The following MYO1H variants were observed in gnomAD, a reference collection of about 807,000 sequenced individuals.
MYO1H encodes the protein unconventional myosin-Ih.
A neutral mutation model predicts 149.3 loss-of-function variants in MYO1H; 118 were observed. That is an observed-to-expected ratio of 0.79 (90% CI 0.68 to 0.92). The LOEUF is 0.92. Among genes scored for constraint, MYO1H ranks in the 40% least tolerant of loss-of-function variants. The probability of loss-of-function intolerance (pLI) is 0.00; values close to 1 mark genes in which losing one functional copy is unlikely to be tolerated. For missense variants in MYO1H, 1,212 were observed against 1,280.7 expected, an observed-to-expected ratio of 0.95 and a Z score of 0.82; for synonymous variants, 447 against 465.2, an observed-to-expected ratio of 0.96 and a Z score of 0.50.
At chr12:109,326,671 C>T in the MYO1H span, among the ~76,000 whole-genome samples, 2 of 151,896 alleles carry the variant, frequency 1.3e-5, no homozygotes, top group South Asian at 4.2e-4. Context: ...ACAGGCATGT[C>T]ACCATCCCCG....
At chr12:109,432,708 TTCTC>T (rs1871684647) in intron 19 of MYO1H, among the ~76,000 whole-genome samples, 185 bp from the exon 20 acceptor site, 1 of 152,196 alleles carries the variant, frequency 6.6e-6, no homozygotes, top group Non-Finnish European at 1.5e-5. Context: ...TTGAAACAGT[TTCTC>T]TCTCCTTTCT....
chr12:109,428,791 C>T (rs982057135), intron 19 of MYO1H, among the ~76,000 whole-genome samples: 3 of 125,792 alleles, frequency 2.4e-5, no homozygotes, highest in Admixed American at 8.4e-5. Context: ...ACAGCCACTG[C>T]CCACCTCACC....
chr12:109,434,268 C>G (rs140056763), intron 20 of MYO1H, among the ~76,000 whole-genome samples: 60 of 152,262 alleles, frequency 3.9e-4, no homozygotes, highest in Non-Finnish European at 1.5e-5. Flanking sequence ...CCTCGGCCTC[C>G]CAAAGTGCTG....
chr12:109,348,107 T>G (rs1868375648), intron 1 of MYO1H, 135 bp downstream of exon 1: 1 of 397,948 alleles, frequency 2.5e-6, no homozygotes, highest in Admixed American at 4.4e-5. Flanking sequence ...GATTCTGAAT[T>G]TATTTGATGA....
chr12:109,441,236 C>G (rs1872115813), intron 25 of MYO1H, among the ~76,000 whole-genome samples: 1 of 152,214 alleles, frequency 6.6e-6, no homozygotes, highest in Non-Finnish European at 1.5e-5. Flanking sequence ...GAGAAAGCAG[C>G]CATGGACAAT....
the MYO1H span, among the ~76,000 whole-genome samples, chr12:109,315,882 C>T: frequency 1.2e-4 from 18 of 152,170 alleles, no homozygotes. Context: ...AATGAGTTAT[C>T]CTCTCAAACA....
chr12:109,318,780 C>T, the MYO1H span, among the ~76,000 whole-genome samples: 1 of 152,058 alleles, frequency 6.6e-6, no homozygotes, highest in Non-Finnish European at 1.5e-5. Flanking sequence ...GGGTTGGATC[C>T]TGCAGCAGGA....
At chr12:109,443,636 C>T (rs1872345279) in exon 28 of MYO1H, 1 of 1,613,758 alleles carries the variant, frequency 6.2e-7, no homozygotes, top group African/African-American at 1.3e-5. Flanking sequence ...AAATAGAGTA[C>T]TCAGCTCTCA....
rs956432663 is a variant in MYO1H, at chr12:109,410,557, A to C, written c.1330-131A>C. ...TGGGAAATTATTTTGATATTCAGAA[A>C]ATATAATTTGTTTAAGGTTGAATAT... On this transcript the variant is annotated intron_variant, in intron 12 of 31. Coordinates refer to ENST00000310903, the Ensembl canonical transcript of MYO1H. 1.6e-5 allele frequency: 11 copies of C among 673,512 alleles called. No individual in the cohort carries two copies. In the African/African-American group the frequency reaches 1.6e-4, roughly 10 times the overall value. The allele number at this position is 673,512 out of a possible 1,614,324, so 41.7% of individuals were successfully genotyped here.
At chr12:109,419,110 G>T (rs1039344633) in intron 15 of MYO1H, among the ~76,000 whole-genome samples, 25 of 152,112 alleles carry the variant, frequency 1.6e-4, no homozygotes, top group Middle Eastern at 3.4e-3. Flanking sequence ...TCCTTTGGGG[G>T]GACCACAATA....
At chr12:109,398,336 C>T (rs1291611816) in intron 5 of MYO1H, among the ~76,000 whole-genome samples, 1 of 152,222 alleles carries the variant, frequency 6.6e-6, no homozygotes, top group Non-Finnish European at 1.5e-5. Flanking sequence ...GGTGTGTTCA[C>T]ACCAACAGGC....
intron 3 of MYO1H, among the ~76,000 whole-genome samples, chr12:109,394,402 A>G (rs538208294): frequency 6.6e-6 from 1 of 152,366 alleles, no homozygotes; most frequent in South Asian, 2.1e-4. Flanking sequence ...GCTAGAAAAT[A>G]TAACCACCTT....
intron 1 of MYO1H, among the ~76,000 whole-genome samples, chr12:109,386,402 G>C (rs925291620): frequency 6.6e-6 from 1 of 152,154 alleles, no homozygotes; most frequent in Admixed American, 6.5e-5. Context: ...AAAGAATAGA[G>C]GCATGGTTAA....
intron 1 of MYO1H, among the ~76,000 whole-genome samples, chr12:109,365,487 A>G (rs1868848403): frequency 1.3e-5 from 2 of 152,126 alleles, no homozygotes; most frequent in Admixed American, 6.5e-5. Flanking sequence ...TTCTTCTGGT[A>G]CTTTTCCCCT....
At chr12:109,435,319 T>C (rs1555254893) in intron 21 of MYO1H, among the ~76,000 whole-genome samples, 2 of 145,748 alleles carry the variant, frequency 1.4e-5, no homozygotes, top group South Asian at 2.2e-4. Context: ...CAGGCAGATA[T>C]ATAAACATTG....
exon 12 of MYO1H, chr12:109,410,044 A>G (rs1004579640): frequency 2.6e-6 from 4 of 1,535,240 alleles, no homozygotes; most frequent in Non-Finnish European, 3.5e-6. Context: ...CAGAACAGGC[A>G]GAATATGAAA....
At chr12:109,445,399 C>T in intron 30 of MYO1H, 114 bp from the exon 31 acceptor site, 1 of 798,264 alleles carries the variant, frequency 1.3e-6, no homozygotes, top group East Asian at 2.7e-5. Flanking sequence ...TGTAATAAAA[C>T]AGGAATTTGA....
chr12:109,348,570 T>C (rs1413195624), intron 1 of MYO1H, among the ~76,000 whole-genome samples: 2 of 152,230 alleles, frequency 1.3e-5, no homozygotes, highest in African/African-American at 4.8e-5. Flanking sequence ...TTGTCCCAGG[T>C]AATGATCATT....
intron 1 of MYO1H, 129 bp from the exon 2 acceptor site, chr12:109,388,549 TAAGTG>T (rs1464386928): frequency 5.6e-5 from 42 of 755,554 alleles, no homozygotes; most frequent in Non-Finnish European, 8.3e-5. Flanking sequence ...TTGTAAACTC[TAAGTG>T]AAGACGGCAT....
Sources: gnomAD v4.1 joint callset for allele counts (sites outside exome capture counted in the v4.1 genomes callset) on GRCh38, gnomAD v4.1.1 for gene constraint, MANE v1.5 for transcripts, NCBI Gene and HGNC (gene_info 2026-07-23, HGNC 2026-07-21) for gene names.